MESD: variants seen among roughly 807,000 people sequenced by gnomAD.
MESD encodes mesoderm development LRP chaperone, also known as LRP chaperone MESD.
MESD carries 7 observed loss-of-function variants against 12.9 expected under a neutral mutation model. The observed-to-expected ratio is 0.54, with a 90% confidence interval of 0.31 to 1.02. The LOEUF is 1.02. Ranked by LOEUF, MESD falls within the 50% of genes least tolerant of loss-of-function variation. MESD has a pLI of 0.05. For synonymous variants in MESD, 126 were observed against 115.6 expected, an observed-to-expected ratio of 1.09 and a Z score of -0.58; for missense variants, 342 against 296.7, an observed-to-expected ratio of 1.15 and a Z score of -1.12.
rs552174051 is a variant in MESD, at chr15:80,988,627, G to A, written c.213+952C>T. Among the ~76,000 whole-genome samples, 40 of 152,198 alleles carry A rather than the reference G, an allele frequency of 2.6e-4. 1 individual carries two copies. Among genetic ancestry groups the A allele is most frequent in the African/African-American group, 9.6e-4 (40 of 41,532 alleles). On this transcript the variant is annotated intron_variant, in intron 1 of 2. Transcript: ENST00000261758. The stretch of plus-strand genomic sequence containing the variant: ...ATTCTTCTAGTCAGATGCATCAGGT[G>A]GTATTTTAAACTCTTGTCTGAAAGT...
intron 3 of MESD, among the ~76,000 whole-genome samples, chr15:80,967,602 T>C (rs1034518433): frequency 1.3e-5 from 2 of 152,186 alleles, no homozygotes; most frequent in Non-Finnish European, 1.5e-5. Context: ...CCAGTGTTTC[T>C]AGGCCTATGG....
intron 2 of MESD, among the ~76,000 whole-genome samples, chr15:80,980,259 ACTCT>A (rs1443372899): frequency 2.6e-5 from 4 of 151,866 alleles, no homozygotes; most frequent in African/African-American, 9.7e-5. Flanking sequence ...CTGGCCGGAC[ACTCT>A]CTAAGTACTC....
chr15:80,981,933 G>C lies in MESD; in HGVS notation c.446+17C>G, dbSNP rs765433467. 1.3e-6 allele frequency: 2 copies of C among 1,538,658 alleles called. No homozygotes were observed. Among genetic ancestry groups the C allele is most frequent in the Admixed American group, 3.3e-5 (2 of 59,736 alleles). On this transcript the variant is annotated intron_variant, in intron 2 of 2. Coordinates refer to ENST00000261758, the MANE Select transcript of MESD (RefSeq NM_015154.3). ...AGCACAGCCTATGAGTCTCTCAGCT[G>C]GTTGTTGCTGCTTTACCTCTGGACG...
At chr15:80,951,965 T>C (rs1193034772) in exon 4 of MESD, 1 of 322,726 alleles carries the variant, frequency 3.1e-6, no homozygotes, top group Non-Finnish European at 6.1e-6. Context: ...CTACCTTGCC[T>C]TGCCCCAAGG....
intron 4 of MESD, chr15:80,951,067 G>A (rs979213870): frequency 6.6e-6 from 1 of 152,662 alleles, no homozygotes; most frequent in African/African-American, 2.4e-5. Flanking sequence ...AGAGTCACAG[G>A]AAGGACTTCT....
In MESD at chr15:80,982,153, A is replaced by C. The variant is rs981621720; in HGVS notation, c.243T>G (p.Leu81=). The C allele has an allele frequency of 6.2e-7, 1 of 1,613,958 alleles. No individual in the cohort carries two copies. Among genetic ancestry groups the C allele is most frequent in the South Asian group, 1.1e-5 (1 of 91,076 alleles). ...GTGCTGAAGGTCTCTTGTGCTCTGG[A>C]AGATCTCCTTCTTCAATGTCATCAT... is the stretch of plus-strand genomic sequence containing the variant. ...EKDDDIEEGD[L]PEHKRPSAPV... is the part of the protein sequence containing the mutation. Residue 81 remains leucine, a synonymous_variant, in exon 2 of 3, where the codon CTT becomes CTG. Coordinates refer to ENST00000261758, the MANE Select transcript of MESD (RefSeq NM_015154.3).
chr15:80,988,365 C>A (rs1424122759), intron 1 of MESD, among the ~76,000 whole-genome samples: 1 of 152,234 alleles, frequency 6.6e-6, no homozygotes, highest in African/African-American at 2.4e-5. Flanking sequence ...CCAGTGCAAT[C>A]TTTGTTCATC....
chr15:80,986,972 G>A (rs1421103883), intron 1 of MESD, among the ~76,000 whole-genome samples: 1 of 152,228 alleles, frequency 6.6e-6, no homozygotes, highest in African/African-American at 2.4e-5. Flanking sequence ...GGAAGATGAT[G>A]TTCAGAGAGG....
chr15:80,975,632 A>G (rs1181373914), downstream of MESD: 1 of 152,126 alleles, frequency 6.6e-6, no homozygotes, highest in Non-Finnish European at 1.5e-5. Context: ...AAAAAAAAAA[A>G]AGAGGTTTAA....
intron 1 of MESD, among the ~76,000 whole-genome samples, chr15:80,985,742 G>C (rs933137268): frequency 2.7e-4 from 38 of 142,012 alleles, no homozygotes; most frequent in African/African-American, 9.9e-4. Context: ...ACTTCTGCCT[G>C]CCAGGCTCAA....
intron 3 of MESD, among the ~76,000 whole-genome samples, chr15:80,961,379 C>T (rs1301661221): frequency 6.6e-6 from 1 of 151,190 alleles, no homozygotes; most frequent in Non-Finnish European, 1.5e-5. Flanking sequence ...TATTCAAAAA[C>T]TAAACCTTGT....
At chr15:80,947,051 G>A (rs753839988), downstream of MESD, 2 of 1,612,866 alleles carry the variant, frequency 1.2e-6, no homozygotes, top group Admixed American at 1.7e-5. Flanking sequence ...GCAGACAGGG[G>A]TCTCAAGTTG....
rs1736652968 is a variant in MESD at position 80,989,798 on chromosome 15, T to C, written c.-7A>G. 1 of 1,566,218 alleles carries C rather than the reference T, an allele frequency of 6.4e-7. No homozygotes were observed. Among genetic ancestry groups the C allele is most frequent in the East Asian group, 2.3e-5 (1 of 43,126 alleles). ...CCCACCTGGAAGCCGCCATTTTCGC[T>C]GCGCCGCGCAGCGCCCTAGACGCGC... On this transcript the variant is annotated 5_prime_UTR_variant, in exon 1 of 3. Coordinates refer to ENST00000261758, the MANE Select transcript of MESD (RefSeq NM_015154.3).
chr15:80,947,137 G>A (rs879743223), downstream of MESD: 2 of 959,746 alleles, frequency 2.1e-6, no homozygotes, highest in African/African-American at 3.2e-5. Context: ...GGAGGGTGCT[G>A]TCATCTTTTG....
intron 2 of MESD, among the ~76,000 whole-genome samples, chr15:80,981,116 A>C (rs1014234590): frequency 1.3e-5 from 2 of 151,378 alleles, no homozygotes; most frequent in Non-Finnish European, 2.9e-5. Flanking sequence ...GAGTCACTGC[A>C]CCCGGCAACG....
rs1429713448 is a variant in MESD at position 80,978,677 on chromosome 15, T to C, written c.*542A>G. 2 of 152,508 alleles carry C rather than the reference T, an allele frequency of 1.3e-5. No individual in the cohort carries two copies. Among genetic ancestry groups the C allele is most frequent in the East Asian group, 1.9e-4 (1 of 5,206 alleles). 9.4% of individuals were successfully genotyped at this position (152,508 alleles called of 1,614,324 possible). A position where few individuals can be genotyped will look rare whatever the true frequency, so the allele number is the denominator to read the frequency against. ...ACTTAGGATTTCAAGTGACATATTT[T>C]CTATTCTCCGCATTTCCTGCATAGA... is the stretch of plus-strand genomic sequence containing the variant. On this transcript the variant is annotated 3_prime_UTR_variant, in exon 3 of 3. Transcript: ENST00000261758.
At chr15:80,958,617 G>C (rs1259397657) in intron 3 of MESD, among the ~76,000 whole-genome samples, 1 of 152,246 alleles carries the variant, frequency 6.6e-6, no homozygotes, top group Admixed American at 6.5e-5. Flanking sequence ...ACAGGCATGA[G>C]CCACCGTGCC....
At chr15:80,981,185 C>T (rs1437548246) in intron 2 of MESD, among the ~76,000 whole-genome samples, 1 of 151,780 alleles carries the variant, frequency 6.6e-6, no homozygotes, top group Non-Finnish European at 1.5e-5. Flanking sequence ...CACCTGTAAT[C>T]CTAGCACTTT....
exon 4 of MESD, chr15:80,952,109 C>A (rs904044746): frequency 8.9e-6 from 4 of 450,038 alleles, no homozygotes; most frequent in Non-Finnish European, 1.8e-5. Flanking sequence ...CAACTCCCCT[C>A]CCCGATGGGG....
Sources: gnomAD v4.1 joint callset for allele counts (sites outside exome capture counted in the v4.1 genomes callset) on GRCh38, gnomAD v4.1.1 for gene constraint, MANE v1.5 for transcripts, NCBI Gene and HGNC (gene_info 2026-07-23, HGNC 2026-07-21) for gene names.